INVS: variants seen among roughly 807,000 people sequenced by gnomAD.
INVS encodes the protein inversion of embryo turning homolog.
In INVS, 86 loss-of-function variants were observed where a neutral mutation model predicts 108.8. That is an observed-to-expected ratio of 0.79 (90% CI 0.66 to 0.95). INVS has a LOEUF of 0.95. Among genes scored for constraint, INVS ranks in the 40% least tolerant of loss-of-function variants. The pLI, the probability that INVS is intolerant of heterozygous loss-of-function variation, is 0.00. For missense variants in INVS, 1,169 were observed against 1,297.4 expected (o/e 0.90, Z 1.52); for synonymous variants, 455 against 473.5 (o/e 0.96, Z 0.51).
At chr9:100,154,919 T>G (rs1828925639) in intron 3 of INVS, among the ~76,000 whole-genome samples, 1 of 152,130 alleles carries the variant, frequency 6.6e-6, no homozygotes, top group Non-Finnish European at 1.5e-5. Context: ...TTATAAAGTT[T>G]AAGTGTCTAC....
At position 100,253,067 on chromosome 9, in the gene INVS, T is replaced by C. The variant is rs1204464747; in HGVS notation, c.1395T>C (p.Tyr465=). ...GAACCCCTTTGCAGTGTGCAGCATA[T>C]GGAGGCTATATCAACTGCATGGCAG... ...AGRTPLQCAA[Y]GGYINCMAVL... is the part of the protein sequence containing the mutation. Residue 465 remains tyrosine, a synonymous_variant, in exon 10 of 17, where the codon TAT becomes TAC. Transcript: ENST00000262457. 5 of 1,614,020 alleles carry C rather than the reference T, an allele frequency of 3.1e-6. No individual in the cohort carries two copies. The highest frequency in any genetic ancestry group is 4.2e-6 in the Non-Finnish European group (5 of 1,179,896).
chr9:100,266,460 A>G (rs930547902), intron 11 of INVS, among the ~76,000 whole-genome samples: 2 of 152,170 alleles, frequency 1.3e-5, no homozygotes, highest in South Asian at 2.1e-4. Context: ...CAGACCTTAT[A>G]GGGTAACTTC....
intron 3 of INVS, among the ~76,000 whole-genome samples, chr9:100,174,078 G>GA (rs1829631868): frequency 6.6e-6 from 1 of 152,206 alleles, no homozygotes. Context: ...TAGACATGAG[G>GA]ACAAACAGTA....
chr9:100,176,538 G>A (rs1032579336), intron 3 of INVS, among the ~76,000 whole-genome samples: 3 of 152,042 alleles, frequency 2.0e-5, no homozygotes, highest in Non-Finnish European at 2.9e-5. Context: ...GTGCAGTGGT[G>A]CGATCTCAGC....
intron 3 of INVS, among the ~76,000 whole-genome samples, chr9:100,158,742 C>T (rs981647091): frequency 2.6e-5 from 4 of 152,134 alleles, no homozygotes; most frequent in African/African-American, 9.7e-5. Context: ...GAATATTTGT[C>T]CCCTCCAAAT....
At chr9:100,175,309 G>C in intron 3 of INVS, 1 of 712,998 alleles carries the variant, frequency 1.4e-6, no homozygotes, top group Non-Finnish European at 2.6e-6. Flanking sequence ...CTTCTGCTGA[G>C]ATGCCTCACA....
At chr9:100,263,123 T>C (rs1215246380) in intron 10 of INVS, among the ~76,000 whole-genome samples, 3 of 152,124 alleles carry the variant, frequency 2.0e-5, no homozygotes, top group African/African-American at 7.3e-5. Flanking sequence ...TAATTTCTAT[T>C]TCCTAATTTC....
In INVS at chr9:100,300,849, T is replaced by C; in HGVS notation, c.*175T>C. On this transcript the variant is annotated 3_prime_UTR_variant, in exon 17 of 17. Coordinates refer to ENST00000262457, the MANE Select transcript of INVS (RefSeq NM_014425.5). ...TGTCAGAATGTTTCCTTTCTGCTCT[T>C]ACACAGCATTGTTTTGTCAATCAAC... 1 of 643,742 alleles carries C rather than the reference T, an allele frequency of 1.6e-6. No individual in the cohort carries two copies. The highest frequency in any genetic ancestry group is 1.8e-5 in the South Asian group (1 of 55,618). 39.9% of individuals were successfully genotyped at this position (643,742 alleles called of 1,614,324 possible).
chr9:100,147,374 T>A (rs775151908), intron 3 of INVS, among the ~76,000 whole-genome samples: 2 of 152,206 alleles, frequency 1.3e-5, no homozygotes, highest in African/African-American at 2.4e-5. Context: ...GCAGTCAGTT[T>A]ACATTAAAAG....
At chr9:100,271,890 A>T (rs1292768696) in intron 11 of INVS, among the ~76,000 whole-genome samples, 2 of 149,010 alleles carry the variant, frequency 1.3e-5, no homozygotes, top group Non-Finnish European at 3.0e-5. Flanking sequence ...TTTTTTGGAG[A>T]CGGTGTCTCA....
At chr9:100,262,163 G>C (rs1458506582) in intron 10 of INVS, among the ~76,000 whole-genome samples, 3 of 151,548 alleles carry the variant, frequency 2.0e-5, no homozygotes, top group African/African-American at 7.3e-5. Context: ...ATGTTTATGA[G>C]AGAGATTGGC....
intron 3 of INVS, among the ~76,000 whole-genome samples, chr9:100,205,148 G>T (rs891453332): frequency 7.9e-5 from 12 of 152,136 alleles, no homozygotes; most frequent in Non-Finnish European, 1.8e-4. Flanking sequence ...GTGTATGGGG[G>T]TTCACATTAG....
chr9:100,125,003 C>A (rs1035629197), intron 2 of INVS, among the ~76,000 whole-genome samples: 2 of 152,190 alleles, frequency 1.3e-5, no homozygotes, highest in Non-Finnish European at 2.9e-5. Context: ...GCTGCTCAGG[C>A]CCATTTAGAA....
At chr9:100,297,828 G>GAC in intron 15 of INVS, 108 bp from the exon 16 acceptor site, 1 of 1,117,334 alleles carries the variant, frequency 8.9e-7, no homozygotes, top group Non-Finnish European at 1.4e-6. Flanking sequence ...AACTTATCTT[G>GAC]ACACACACCT....
At chr9:100,106,551 A>G (rs767108443) in intron 2 of INVS, among the ~76,000 whole-genome samples, 8 of 152,198 alleles carry the variant, frequency 5.3e-5, no homozygotes, top group Non-Finnish European at 7.3e-5. Context: ...TTTCATTCTC[A>G]TAATATTGCA....
Position 100,253,868 on chromosome 9 carries a change from A to G in INVS, c.1464+732A>G, listed in dbSNP as rs547656401. Among the ~76,000 whole-genome samples the G allele has an allele frequency of 9.2e-5, 14 of 152,320 alleles. No individual in the cohort carries two copies. The East Asian group carries it at 2.3e-3, about 25-fold the overall frequency. ...CTTTGCTATTGTGAATAGTGCCGCA[A>G]TAAACATACGTGTGCATGTGTCTTT... On this transcript the variant is annotated intron_variant, in intron 10 of 16. Transcript: ENST00000262457.
intron 2 of INVS, among the ~76,000 whole-genome samples, chr9:100,122,684 C>T (rs369083525): frequency 3.5e-5 from 5 of 144,532 alleles, no homozygotes; most frequent in South Asian, 2.3e-4. Flanking sequence ...CCCGGGTTCA[C>T]GCCATTCTCC....
intron 1 of INVS, among the ~76,000 whole-genome samples, chr9:100,102,991 T>C (rs1827049546): frequency 6.6e-6 from 1 of 152,088 alleles, no homozygotes; most frequent in African/African-American, 2.4e-5. Flanking sequence ...TAGTTGGGAT[T>C]ATGGGCACGC....
chr9:100,265,944 T>G (rs1280281158), intron 11 of INVS, among the ~76,000 whole-genome samples: 1 of 152,152 alleles, frequency 6.6e-6, no homozygotes, highest in Admixed American at 6.5e-5. Context: ...CTGGGCATGG[T>G]GGTACATGCC....
Sources: gnomAD v4.1 joint callset for allele counts (sites outside exome capture counted in the v4.1 genomes callset) on GRCh38, gnomAD v4.1.1 for gene constraint, MANE v1.5 for transcripts, NCBI Gene and HGNC (gene_info 2026-07-23, HGNC 2026-07-21) for gene names.